Variants in ASPH observed in about 807,000 individuals in gnomAD.
ASPH encodes the protein aspartyl/asparaginyl beta-hydroxylase.
In ASPH, 100 loss-of-function variants were observed where a neutral mutation model predicts 118.4. The observed-to-expected ratio is 0.84, with a 90% CI of 0.72 to 1.00. The LOEUF (loss-of-function observed/expected upper bound fraction) is 1.00, where lower values mean the gene tolerates loss of function less well. Ranked by LOEUF, ASPH falls within the 50% of genes least tolerant of loss-of-function variation. The probability of loss-of-function intolerance (pLI) is 0.00; values close to 1 mark genes in which losing one functional copy is unlikely to be tolerated. For synonymous variants in ASPH, 315 were observed against 325.6 expected (o/e 0.97, Z 0.35); for missense variants, 920 against 919.5 (o/e 1.00, Z -0.01).
In ASPH at chr8:61,562,823, T is replaced by C. The variant is rs750042785; in HGVS notation, c.1358A>G (p.Asp453Gly). The change falls in exon 18 of 25, where the codon GAT (aspartate) becomes GGT (glycine). Residue 453 changes from aspartate (D) to glycine (G), a missense_variant. Coordinates refer to ENST00000379454, the MANE Select transcript of ASPH (RefSeq NM_004318.4). ...LQRLVQLFPN[D>G]TSLKNDLGVG... ...GCCAAGGTCATTTTTTAAGGAAGTA[T>C]CATTGGGAAATAGTTGAACTAATCT... 1 of 1,612,932 alleles carries C rather than the reference T, an allele frequency of 6.2e-7. No individual in the cohort carries two copies. Among genetic ancestry groups the C allele is most frequent in the South Asian group, 1.1e-5 (1 of 90,860 alleles).
At position 61,503,331 on chromosome 8, in the gene ASPH, G is replaced by C; in HGVS notation, c.*28C>G. ...GAACCAGAAAGGCAGCCTCTCTCCA[G>C]AGTTTCCCAAGCTTGCATGAATTCA... is the stretch of plus-strand genomic sequence containing the variant. On this transcript the variant is annotated 3_prime_UTR_variant, in exon 25 of 25. Coordinates refer to ENST00000379454, the MANE Select transcript of ASPH (RefSeq NM_004318.4). The C allele has an allele frequency of 1.3e-6, 2 of 1,586,422 alleles. No individual in the cohort carries two copies. The highest frequency in any genetic ancestry group is 1.7e-6 in the Non-Finnish European group (2 of 1,162,398).
At chr8:61,587,040 T>C (rs1263981614) in intron 14 of ASPH, among the ~76,000 whole-genome samples, 1 of 152,204 alleles carries the variant, frequency 6.6e-6, no homozygotes, top group Non-Finnish European at 1.5e-5. Context: ...TATTCCTGAT[T>C]ATCCAAACCC....
At chr8:61,521,093 G>A (rs1281375990) in intron 22 of ASPH, among the ~76,000 whole-genome samples, 2 of 152,144 alleles carry the variant, frequency 1.3e-5, no homozygotes, top group Admixed American at 6.5e-5. Context: ...GACAGGCCAG[G>A]AACCACTCTG....
intron 3 of ASPH, among the ~76,000 whole-genome samples, chr8:61,669,702 C>T (rs568450141): frequency 1.3e-5 from 2 of 152,208 alleles, no homozygotes; most frequent in South Asian, 2.1e-4. Flanking sequence ...CTTCTAGTAC[C>T]GCTATGTTCC....
chr8:61,579,124 G>T (rs527800180), intron 15 of ASPH: 1 of 1,610,524 alleles, frequency 6.2e-7, no homozygotes, highest in Non-Finnish European at 8.5e-7. Flanking sequence ...GACCTGTGGC[G>T]CACAAAGACT....
Position 61,684,084 on chromosome 8 carries a change from C to T in ASPH, c.208G>A (p.Val70Ile), listed in dbSNP as rs1829436319. ...ACAAGATCAAACCAAACGACAGCTA[C>T]AGATGTCCAGACGCCCAGCAATGCA... The part of the protein sequence containing the change: ...VIALLGVWTS[V>I]AVVWFDLVDY... Residue 70 changes from valine (V) to isoleucine (I), a missense_variant, in exon 2 of 25, where the codon GTA becomes ATA. Val to Ile is a conservative substitution (Grantham distance 29). Transcript: ENST00000379454. 6.2e-7 allele frequency: 1 copy of T among 1,613,696 alleles called. No homozygotes were observed. Among genetic ancestry groups the T allele is most frequent in the Admixed American group, 1.7e-5 (1 of 59,946 alleles).
At chr8:61,600,601 A>G (rs1301712905) in intron 14 of ASPH, among the ~76,000 whole-genome samples, 3 of 151,398 alleles carry the variant, frequency 2.0e-5, no homozygotes, top group African/African-American at 7.4e-5. Flanking sequence ...AGCTGAAAAG[A>G]AATCAAGAAA....
At chr8:61,624,914 CTTA>C (rs963189477) in intron 13 of ASPH, 43 of 985,038 alleles carry the variant, frequency 4.4e-5, no homozygotes, top group Non-Finnish European at 5.1e-5. Context: ...TTCTTATTAT[CTTA>C]TTATTTCAGG....
chr8:61,642,470 G>A (rs1805609217), intron 10 of ASPH, among the ~76,000 whole-genome samples: 2 of 152,194 alleles, frequency 1.3e-5, no homozygotes, highest in African/African-American at 2.4e-5. Context: ...CCGTTCATCT[G>A]GATGTTTTAA....
At chr8:61,586,899 C>G (rs1429183609) in intron 14 of ASPH, among the ~76,000 whole-genome samples, 1 of 152,220 alleles carries the variant, frequency 6.6e-6, no homozygotes, top group African/African-American at 2.4e-5. Flanking sequence ...CTGAGCTGAG[C>G]TGACCTTCTG....
chr8:61,602,996 C>T (rs1844502813), intron 14 of ASPH, among the ~76,000 whole-genome samples: 1 of 151,712 alleles, frequency 6.6e-6, no homozygotes, highest in Non-Finnish European at 1.5e-5. Flanking sequence ...AGTTCGAGAC[C>T]AGTCTGGCCA....
Position 61,684,027 on chromosome 8 carries a change from C to T in ASPH, c.253+12G>A. 1 of 1,610,000 alleles carries T rather than the reference C, an allele frequency of 6.2e-7. No homozygotes were observed. Among genetic ancestry groups the T allele is most frequent in the Non-Finnish European group, 8.5e-7 (1 of 1,177,678 alleles). On this transcript the variant is annotated intron_variant, in intron 2 of 24. Coordinates refer to ENST00000379454, the MANE Select transcript of ASPH (RefSeq NM_004318.4). Reference sequence around the variant, plus strand: ...CTCTTACAAATTCACATAAGGATATCAAAATTCTTACCTAGAACTTCCTCA... The same window carrying T: ...CTCTTACAAATTCACATAAGGATATTAAAATTCTTACCTAGAACTTCCTCA...
chr8:61,669,305 T>C (rs1475267601), intron 3 of ASPH, among the ~76,000 whole-genome samples: 1 of 152,212 alleles, frequency 6.6e-6, no homozygotes, highest in Non-Finnish European at 1.5e-5. Flanking sequence ...ATCTATCAAT[T>C]GAGGTCATCC....
chr8:61,525,391 A>T (rs907499376), intron 22 of ASPH, among the ~76,000 whole-genome samples: 5 of 151,736 alleles, frequency 3.3e-5, no homozygotes, highest in Non-Finnish European at 7.4e-5. Context: ...CTGGAGCTCC[A>T]TATGTGTGCC....
At chr8:61,650,810 T>C (rs1237963742) in intron 5 of ASPH, among the ~76,000 whole-genome samples, 1 of 152,202 alleles carries the variant, frequency 6.6e-6, no homozygotes, top group African/African-American at 2.4e-5. Flanking sequence ...TTCATTCTCA[T>C]TTATTCCCAC....
chr8:61,562,438 A>G (rs1361144571), intron 18 of ASPH, among the ~76,000 whole-genome samples: 1 of 150,192 alleles, frequency 6.7e-6, no homozygotes, highest in Non-Finnish European at 1.5e-5. Context: ...AGGAACTTAA[A>G]TTCTTCTTCC....
At chr8:61,624,110 G>T in intron 13 of ASPH, 2 of 597,434 alleles carry the variant, frequency 3.3e-6, no homozygotes, top group Non-Finnish European at 4.2e-6. Context: ...TCTAGTATTT[G>T]ATAGCAAAAC....
At position 61,542,031 on chromosome 8, in the gene ASPH, T is replaced by A. The variant is rs575900825; in HGVS notation, c.1764+6040A>T. Among the ~76,000 whole-genome samples, 5 of 152,318 alleles carry A rather than the reference T, an allele frequency of 3.3e-5. No homozygotes were observed. In the South Asian group the frequency reaches 1.0e-3, roughly 32 times the overall value. On this transcript the variant is annotated intron_variant, in intron 21 of 24. Transcript: ENST00000379454. The stretch of plus-strand genomic sequence containing the variant: ...AGCTTTTAGTTGATGGTTCCTAATT[T>A]CATTCCTTTGTGGTCAGTAAACATG...
chr8:61,567,398 A>T, intron 16 of ASPH, 80 bp from the exon 17 acceptor site: 1 of 1,406,820 alleles, frequency 7.1e-7, no homozygotes, highest in South Asian at 1.6e-5. Context: ...TAAAAAGTTA[A>T]CTTTTGGACA....
Sources: allele counts gnomAD v4.1 joint callset (sites outside exome capture counted in the v4.1 genomes callset), GRCh38; gene constraint gnomAD v4.1.1; transcripts MANE v1.5; gene names NCBI Gene and HGNC (gene_info 2026-07-23, HGNC 2026-07-21).